The following TPR variants were observed in gnomAD, a reference collection of about 807,000 sequenced individuals.
TPR encodes translocated promoter region, nuclear basket protein.
TPR carries 51 observed loss-of-function variants against 316.1 expected under a neutral mutation model. That is an observed-to-expected ratio of 0.16 (90% CI 0.13 to 0.20). The LOEUF (loss-of-function observed/expected upper bound fraction) is 0.20. Ranked by LOEUF, TPR falls within the 10% of genes least tolerant of loss-of-function variation. TPR has a pLI of 1.00. For missense variants in TPR, 2,272 were observed against 2,754.8 expected, an observed-to-expected ratio of 0.82 and a Z score of 3.92; for synonymous variants, 981 against 914.7, an observed-to-expected ratio of 1.07 and a Z score of -1.31.
At chr1:186,343,862 T>C (rs1327807666) in intron 26 of TPR, 44 bp downstream of exon 26, 2 of 1,470,552 alleles carry the variant, frequency 1.4e-6, no homozygotes, top group East Asian at 2.3e-5. Context: ...TTTCATTTCA[T>C]AGTTGTTATA....
chr1:186,322,441 CA>C (rs1188888433), intron 44 of TPR, 29 bp from the exon 45 acceptor site: 1 of 1,611,270 alleles, frequency 6.2e-7, no homozygotes, highest in East Asian at 2.2e-5. Context: ...AGTTAACAAA[CA>C]AAACACCACA....
chr1:186,321,746 C>T (rs1657782740), intron 45 of TPR, among the ~76,000 whole-genome samples: 1 of 152,116 alleles, frequency 6.6e-6, no homozygotes, highest in Non-Finnish European at 1.5e-5. Context: ...CTGCTTATTC[C>T]TCTATTATCC....
chr1:186,312,329 C>A lies in TPR; in HGVS notation c.*1642G>T, dbSNP rs751716097. ...TAGGACCTTCTCAAACACACACCAT[C>A]AGAATTCAATATTCACCTGCCAGAC... On this transcript the variant is annotated 3_prime_UTR_variant, in exon 51 of 51. Transcript: ENST00000367478. The A allele has an allele frequency of 1.2e-6, 2 of 1,610,376 alleles. No individual in the cohort carries two copies. The highest frequency in any genetic ancestry group is 3.4e-5 in the Admixed American group (2 of 59,284).
chr1:186,372,027 T>C (rs1440119617), intron 2 of TPR, among the ~76,000 whole-genome samples: 1 of 152,154 alleles, frequency 6.6e-6, no homozygotes, highest in Non-Finnish European at 1.5e-5. Flanking sequence ...TAGGCAAAAC[T>C]ACATAGATAA....
chr1:186,363,080 G>A (rs1659242955), intron 5 of TPR, 79 bp from the exon 6 acceptor site: 1 of 1,399,762 alleles, frequency 7.1e-7, no homozygotes, highest in Non-Finnish European at 9.6e-7. Flanking sequence ...GTAGCTAAGG[G>A]ACACAAGCAG....
rs540458096 is a variant in TPR at position 186,343,592 on chromosome 1, TTAA to T, written c.3603-122_3603-120del. 1.4e-4 allele frequency: 129 copies of T among 919,346 alleles called. No individual in the cohort carries two copies. The African/African-American group carries it at 1.9e-3, about 14-fold the overall frequency. The allele number at this position is 919,346 out of a possible 1,614,324, so 56.9% of individuals were successfully genotyped here. A position where few individuals can be genotyped will look rare whatever the true frequency, so the allele number is the denominator to read the frequency against. ...CTTTAATAACTATTACACGTTTTCA[TTAA>T]TAATAAATAATAATGGGAGATGTAT... On this transcript the variant is annotated intron_variant, in intron 26 of 50. Coordinates refer to ENST00000367478, the MANE Select transcript of TPR (RefSeq NM_003292.3).
At chr1:186,367,364 C>G (rs1391557211) in intron 4 of TPR, among the ~76,000 whole-genome samples, 5 of 152,110 alleles carry the variant, frequency 3.3e-5, no homozygotes, top group Non-Finnish European at 5.9e-5. Flanking sequence ...CGTGCCTGGG[C>G]ACCAAAGGAA....
At chr1:186,356,631 A>T in intron 14 of TPR, 182 bp from the exon 15 acceptor site, 1 of 562,970 alleles carries the variant, frequency 1.8e-6, no homozygotes, top group African/African-American at 1.9e-5. Flanking sequence ...CACAGGACTC[A>T]GGTACTTATA....
At position 186,332,355 on chromosome 1, in the gene TPR, T is replaced by C; in HGVS notation, c.5456-12A>G. On this transcript the variant is annotated splice_polypyrimidine_tract_variant and intron_variant, in intron 37 of 50. Coordinates refer to ENST00000367478, the MANE Select transcript of TPR (RefSeq NM_003292.3). ...GGGGGTAGCCGAAACTTTGAAATTATATAAATCTTGAATTAGAGCATGATA... is the reference window on the plus strand; with the variant it reads ...GGGGGTAGCCGAAACTTTGAAATTACATAAATCTTGAATTAGAGCATGATA... 1.9e-5 allele frequency: 31 copies of C among 1,610,688 alleles called. No individual in the cohort carries two copies. Among genetic ancestry groups the C allele is most frequent in the Non-Finnish European group, 2.6e-5 (31 of 1,178,586 alleles).
At chr1:186,348,636 A>G (rs1162000702) in intron 21 of TPR, among the ~76,000 whole-genome samples, 2 of 152,166 alleles carry the variant, frequency 1.3e-5, no homozygotes. Flanking sequence ...TCAGGCCAGC[A>G]TCACGGTCCT....
rs201245371 is a variant in TPR, at chr1:186,368,005, G to A, written c.331-23C>T. 106 of 1,561,546 alleles carry A rather than the reference G, an allele frequency of 6.8e-5. No individual in the cohort carries two copies. In the African/African-American group the frequency reaches 1.4e-3, roughly 20 times the overall value. On this transcript the variant is annotated intron_variant, in intron 3 of 50. Coordinates refer to ENST00000367478, the MANE Select transcript of TPR (RefSeq NM_003292.3). ...GCTCTGTCATATAAAGAAGTAATAAGTAAGAAAATCAAGTAGAGCAATACA... is the reference window on the plus strand; with the variant it reads ...GCTCTGTCATATAAAGAAGTAATAAATAAGAAAATCAAGTAGAGCAATACA...
Position 186,335,512 on chromosome 1 carries a change from C to G in TPR, c.4737G>C (p.Glu1579Asp). Residue 1579 changes from glutamate to aspartate, a missense_variant, in exon 34 of 51, where the codon GAG becomes GAC. Physicochemically the swap from Glu to Asp is conservative, Grantham distance 45 (BLOSUM62 2). Transcript: ENST00000367478. ...AGGCTCCATTCCTTTGTTTAAGCTCCTCATTTTCTTTAGTTAGCTGATCTT... is the reference window on the plus strand; with the variant it reads ...AGGCTCCATTCCTTTGTTTAAGCTCGTCATTTTCTTTAGTTAGCTGATCTT... Reference protein sequence around the residue: ...GVKDQLTKENEELKQRNGALD... With the variant: ...GVKDQLTKENDELKQRNGALD... 7 of 1,606,674 alleles carry G rather than the reference C, an allele frequency of 4.4e-6. No individual in the cohort carries two copies. Among genetic ancestry groups the G allele is most frequent in the Non-Finnish European group, 4.2e-6 (5 of 1,177,230 alleles).
Position 186,313,670 on chromosome 1 carries a change from C to T in TPR, c.*301G>A, listed in dbSNP as rs1369557966. On this transcript the variant is annotated 3_prime_UTR_variant, in exon 51 of 51. Transcript: ENST00000367478. ...CTTTTTAACTAAAAAAATGTTTTCT[C>T]TTCCATTTAGATCAATACTATAACA... 4.6e-6 allele frequency: 7 copies of T among 1,536,352 alleles called. No individual in the cohort carries two copies. The East Asian group carries it at 9.0e-5, about 20-fold the overall frequency.
At position 186,360,315 on chromosome 1, in the gene TPR, T is replaced by G; in HGVS notation, c.1149A>C (p.Ala383=). Residue 383 remains alanine (A), a synonymous_variant, in exon 11 of 51, where the codon GCA becomes GCC. Transcript: ENST00000367478. ...EELAAMSPTA[A]AVAKIVKPGM... ...CAGGTTTCACTATCTTAGCTACAGCTGCTGCAGTAGGAGACATGGCGGCAA... is the reference window on the plus strand; with the variant it reads ...CAGGTTTCACTATCTTAGCTACAGCGGCTGCAGTAGGAGACATGGCGGCAA... 6.2e-7 allele frequency: 1 copy of G among 1,613,532 alleles called. No individual in the cohort carries two copies. The highest frequency in any genetic ancestry group is 1.3e-5 in the African/African-American group (1 of 75,036).
Position 186,317,601 on chromosome 1 carries a change from C to T in TPR, c.6822-1G>A. ...TTCTAGGCCTGCTTCTGAACTAATA[C>T]TAAGGAAAAGAAAAATGAGAAAATA... is the stretch of plus-strand genomic sequence containing the variant. On this transcript the variant is annotated splice_acceptor_variant, in intron 48 of 50. Coordinates refer to ENST00000367478, the MANE Select transcript of TPR (RefSeq NM_003292.3). LOFTEE classifies it high-confidence loss of function. The T allele has an allele frequency of 6.2e-7, 1 of 1,613,080 alleles. No individual in the cohort carries two copies. Among genetic ancestry groups the T allele is most frequent in the Non-Finnish European group, 8.5e-7 (1 of 1,179,384 alleles).
At chr1:186,331,468 G>A in intron 39 of TPR, 30 bp downstream of exon 39, 1 of 1,498,750 alleles carries the variant, frequency 6.7e-7, no homozygotes, top group Non-Finnish European at 9.2e-7. Flanking sequence ...AAAAGCAACG[G>A]TGTGGTACTT....
chr1:186,357,268 G>A lies in TPR; in HGVS notation c.1724+129C>T, dbSNP rs148794855. On this transcript the variant is annotated intron_variant, in intron 14 of 50. Coordinates refer to ENST00000367478, the MANE Select transcript of TPR (RefSeq NM_003292.3). The stretch of plus-strand genomic sequence containing the variant: ...TCACTATGTCGTCCAGGCTGGTCTC[G>A]ACCTCCTGGGCTCAAATGATACCCC... 2.5e-5 allele frequency: 21 copies of A among 847,954 alleles called. No homozygotes were observed. In the East Asian group the frequency reaches 3.7e-4, roughly 15 times the overall value. The allele number at this position is 847,954 out of a possible 1,614,324, so 52.5% of individuals were successfully genotyped here.
In TPR at chr1:186,375,121, C is replaced by T. The variant is rs1366234040; in HGVS notation, c.-93G>A. On this transcript the variant is annotated 5_prime_UTR_variant, in exon 1 of 51. Transcript: ENST00000367478. Reference sequence around the variant, plus strand: ...CAGCAGGACCCAGACGCCTGGGCCGCCGCCTCTATCACCTCGCTCGGTGGC... The same window carrying T: ...CAGCAGGACCCAGACGCCTGGGCCGTCGCCTCTATCACCTCGCTCGGTGGC... 3 of 1,566,586 alleles carry T rather than the reference C, an allele frequency of 1.9e-6. No homozygotes were observed. Among genetic ancestry groups the T allele is most frequent in the African/African-American group, 2.7e-5 (2 of 73,566 alleles).
rs1658605014 is a variant in TPR, at chr1:186,344,152, T to A, written c.3418-62A>T. The A allele has an allele frequency of 1.9e-6, 3 of 1,541,578 alleles. No individual in the cohort carries two copies. The Admixed American group carries it at 6.0e-5, about 31-fold the overall frequency. ...CAATGCATATTTAAAAAAAACAACT[T>A]GGCCAGGCGCGGTGGCTAACGCCTG... On this transcript the variant is annotated intron_variant, in intron 25 of 50. Coordinates refer to ENST00000367478, the MANE Select transcript of TPR (RefSeq NM_003292.3).
Sources: gnomAD v4.1 joint callset for allele counts (sites outside exome capture counted in the v4.1 genomes callset) on GRCh38, gnomAD v4.1.1 for gene constraint, MANE v1.5 for transcripts, NCBI Gene and HGNC (gene_info 2026-07-23, HGNC 2026-07-21) for gene names.